The following CD9 variants were observed in gnomAD, a reference collection of about 807,000 sequenced individuals.
CD9 encodes CD9 antigen.
Under a neutral mutation model 31.4 loss-of-function variants are expected in CD9, and 10 were observed. The observed-to-expected ratio is 0.32, with a 90% CI of 0.20 to 0.54. The LOEUF (loss-of-function observed/expected upper bound fraction) is 0.54, where lower values mean the gene tolerates loss of function less well. CD9 is among the 20% of genes least tolerant of loss of function. CD9 has a pLI of 0.94. For missense variants in CD9, 259 were observed against 300.1 expected, an observed-to-expected ratio of 0.86 and a Z score of 1.01; for synonymous variants, 113 against 114.1, an observed-to-expected ratio of 0.99 and a Z score of 0.06.
chr12:6,234,325 C>T (rs1386360180), intron 4 of CD9: 1 of 152,060 alleles, frequency 6.6e-6, no homozygotes, highest in Non-Finnish European at 1.5e-5. Flanking sequence ...AGGCAGGAAC[C>T]CTATTGTTTT....
intron 1 of CD9, among the ~76,000 whole-genome samples, chr12:6,214,476 A>ACTT: frequency 6.9e-6 from 1 of 144,462 alleles, no homozygotes; most frequent in Non-Finnish European, 1.5e-5. Flanking sequence ...CCCCCCAAGT[A>ACTT]GCTGGAACTA....
At chr12:6,209,525 G>A (rs1194838755) in intron 1 of CD9, among the ~76,000 whole-genome samples, 1 of 152,106 alleles carries the variant, frequency 6.6e-6, no homozygotes, top group Non-Finnish European at 1.5e-5. Context: ...TGGGACTGTG[G>A]ATTTAAATTT....
chr12:6,223,836 G>T, intron 1 of CD9, among the ~76,000 whole-genome samples: 1 of 152,160 alleles, frequency 6.6e-6, no homozygotes, highest in Non-Finnish European at 1.5e-5. Context: ...ACCAAACAGT[G>T]ATCTGCTTGC....
Position 6,232,769 on chromosome 12 carries a change from C to A in CD9, c.273+40C>A. 7.3e-7 allele frequency: 1 copy of A among 1,367,562 alleles called. No homozygotes were observed. The highest frequency in any genetic ancestry group is 1.0e-6 in the Non-Finnish European group (1 of 993,128). The allele number at this position is 1,367,562 out of a possible 1,614,324, so 84.7% of individuals were successfully genotyped here. On this transcript the variant is annotated intron_variant, in intron 3 of 7. Transcript: ENST00000009180. This position sits in a 1 kb window ranked among gnomAD's most constrained non-coding sequence, Gnocchi z 4.8. ...GGCATCCCCACAGCCACCCTGACTC[C>A]CACCAACAAAAACCTCAGCAGGCCC... is the stretch of plus-strand genomic sequence containing the variant.
Position 6,232,983 on chromosome 12 carries a change from G to GT in CD9, c.273+254_273+255insT. ...CCCCCTTTTCTCGAGGACCACGTTT[G>GT]CTTTTTTTCCCTGAATCCACAGGTA... On this transcript the variant is annotated intron_variant, in intron 3 of 7. Transcript: ENST00000009180. The surrounding 1 kb of genome is among the most constrained non-coding windows in gnomAD (Gnocchi z 4.8). 1.4e-6 allele frequency: 1 copy of GT among 702,408 alleles called. No homozygotes were observed. The highest frequency in any genetic ancestry group is 2.6e-6 in the Non-Finnish European group (1 of 384,830). The allele number at this position is 702,408 out of a possible 1,614,324, so 43.5% of individuals were successfully genotyped here. A position where few individuals can be genotyped will look rare whatever the true frequency, so the allele number is the denominator to read the frequency against.
chr12:6,200,458 C>G lies in CD9; in HGVS notation c.-42C>G. The G allele has an allele frequency of 6.9e-7, 1 of 1,439,024 alleles. No homozygotes were observed. The highest frequency in any genetic ancestry group is 9.8e-7 in the Non-Finnish European group (1 of 1,022,026). 89.1% of individuals were successfully genotyped at this position (1,439,024 alleles called of 1,614,324 possible). On this transcript the variant is annotated 5_prime_UTR_variant, in exon 1 of 8. Coordinates refer to ENST00000009180, the MANE Select transcript of CD9 (RefSeq NM_001769.4). ...GCCAGTCCCAGCTGCGCGCGCCCCC[C>G]AGTCCCGCACCCGTTCGGCCCAGGC...
In CD9 at chr12:6,207,292, G is replaced by C. The variant is rs553801327; in HGVS notation, c.66+6727G>C. On this transcript the variant is annotated intron_variant, in intron 1 of 7. Transcript: ENST00000009180. ...GCCATAAGAAGCAGGTTGCCTCACC[G>C]TTCCCCGGGGGCTGCAATGGGGGCA... Among the ~76,000 whole-genome samples the C allele has an allele frequency of 8.5e-4, 129 of 152,276 alleles. 1 individual carries two copies. The highest frequency in any genetic ancestry group is 3.0e-3 in the African/African-American group (123 of 41,554).
chr12:6,235,488 G>A lies in CD9; in HGVS notation c.460G>A (p.Gly154Ser). The A allele has an allele frequency of 6.2e-7, 1 of 1,614,036 alleles. No homozygotes were observed. The highest frequency in any genetic ancestry group is 1.1e-5 in the South Asian group (1 of 91,088). The change falls in exon 6 of 8, where the codon GGT becomes AGT. Residue 154 changes from glycine to serine, a missense_variant. Gly to Ser is a moderately conservative substitution (Grantham distance 56). Coordinates refer to ENST00000009180, the MANE Select transcript of CD9 (RefSeq NM_001769.4). ...KAIHYALNCC[G>S]LAGGVEQFIS... ...CTTCTCGCTGTAGTTGAACTGCTGTGGTTTGGCTGGGGGCGTGGAACAGTT... is the reference window on the plus strand; with the variant it reads ...CTTCTCGCTGTAGTTGAACTGCTGTAGTTTGGCTGGGGGCGTGGAACAGTT...
Position 6,232,267 on chromosome 12 carries a change from T to C in CD9, c.176-365T>C. 3.0e-6 allele frequency: 1 copy of C among 338,406 alleles called. No individual in the cohort carries two copies. The allele number at this position is 338,406 out of a possible 1,614,324, so 21.0% of individuals were successfully genotyped here. On this transcript the variant is annotated intron_variant, in intron 2 of 7. Coordinates refer to ENST00000009180, the MANE Select transcript of CD9 (RefSeq NM_001769.4). The surrounding 1 kb of genome is among the most constrained non-coding windows in gnomAD (Gnocchi z 4.8). Reference sequence around the variant, plus strand: ...GAAGGTATATGCTAACTAGCTTGAGTGGATTCATCTTGCTGGAAAGAGCTG... The same window carrying C: ...GAAGGTATATGCTAACTAGCTTGAGCGGATTCATCTTGCTGGAAAGAGCTG...
intron 1 of CD9, among the ~76,000 whole-genome samples, chr12:6,214,092 A>G (rs886952885): frequency 3.9e-5 from 6 of 152,122 alleles, no homozygotes; most frequent in Non-Finnish European, 5.9e-5. Flanking sequence ...TGAGTCGTCT[A>G]TGTGGAGCTG....
chr12:6,231,426 C>T (rs964122504), intron 2 of CD9, among the ~76,000 whole-genome samples: 18 of 152,178 alleles, frequency 1.2e-4, no homozygotes, highest in Non-Finnish European at 2.4e-4. Flanking sequence ...TGACAGTAGC[C>T]TCTCCCAAGG....
chr12:6,209,191 C>A (rs2136604457), intron 1 of CD9, among the ~76,000 whole-genome samples: 1 of 152,192 alleles, frequency 6.6e-6, no homozygotes, highest in South Asian at 2.1e-4. Context: ...CTGGTCTCAC[C>A]TCAGGTGATC....
intron 2 of CD9, chr12:6,225,865 C>A (rs1006635368): frequency 4.1e-5 from 10 of 244,290 alleles, no homozygotes; most frequent in Non-Finnish European, 7.9e-5. Flanking sequence ...TCCTGATTGT[C>A]TTCTTATCCT....
intron 2 of CD9, among the ~76,000 whole-genome samples, chr12:6,231,144 G>A (rs1297234863): frequency 6.6e-6 from 1 of 152,192 alleles, no homozygotes; most frequent in Non-Finnish European, 1.5e-5. Flanking sequence ...CCTACATCAA[G>A]GATATCTCTC....
rs1946460458 is a variant in CD9, at chr12:6,232,591, T to C, written c.176-41T>C. On this transcript the variant is annotated intron_variant, in intron 2 of 7. Coordinates refer to ENST00000009180, the MANE Select transcript of CD9 (RefSeq NM_001769.4). This position sits in a 1 kb window ranked among gnomAD's most constrained non-coding sequence, Gnocchi z 4.8. Reference sequence around the variant, plus strand: ...GCCGGAGATGCCTGGGCCTCTGAACTGATGTCTCCACGCGTGTGTGCTTCC... The same window carrying C: ...GCCGGAGATGCCTGGGCCTCTGAACCGATGTCTCCACGCGTGTGTGCTTCC... 7.7e-7 allele frequency: 1 copy of C among 1,294,630 alleles called. No individual in the cohort carries two copies. The highest frequency in any genetic ancestry group is 1.1e-6 in the Non-Finnish European group (1 of 918,748). 80.2% of individuals were successfully genotyped at this position (1,294,630 alleles called of 1,614,324 possible).
At chr12:6,212,763 T>C (rs1418646955) in intron 1 of CD9, among the ~76,000 whole-genome samples, 1 of 152,222 alleles carries the variant, frequency 6.6e-6, no homozygotes, top group Admixed American at 6.5e-5. Context: ...TCTCAGTGTC[T>C]AGAGCACTAA....
intron 4 of CD9, among the ~76,000 whole-genome samples, chr12:6,233,876 T>TCAAGTGCTGCCCCCATGAGC (rs1416177670): frequency 6.6e-6 from 1 of 150,774 alleles, no homozygotes; most frequent in Non-Finnish European, 1.5e-5. Context: ...AATAACATGT[T>TCAAGTGCTGCCCCCATGAGC]CAAGTGCTGC....
At chr12:6,236,160 G>T (rs149361880) in intron 6 of CD9, 32 bp from the exon 7 acceptor site, 1 of 1,613,316 alleles carries the variant, frequency 6.2e-7, no homozygotes, top group Non-Finnish European at 8.5e-7. Context: ...GAAGGATTGT[G>T]TGTGACCCAG....
intron 1 of CD9, among the ~76,000 whole-genome samples, chr12:6,212,221 C>T (rs1289391510): frequency 1.4e-4 from 21 of 152,136 alleles, no homozygotes; most frequent in African/African-American, 2.4e-5. Flanking sequence ...GTCACTCATG[C>T]CTGCTCTGTG....
Sources: allele counts gnomAD v4.1 joint callset (sites outside exome capture counted in the v4.1 genomes callset), GRCh38; gene constraint gnomAD v4.1.1; non-coding constraint Gnocchi (gnomAD v3.1); transcripts MANE v1.5; gene names NCBI Gene and HGNC (gene_info 2026-07-23, HGNC 2026-07-21).